SPATS1: variants seen among roughly 807,000 people sequenced by gnomAD.
SPATS1 encodes the protein spermatogenesis associated serine rich 1.
SPATS1 carries 23 observed loss-of-function variants against 33.6 expected under a neutral mutation model. That is an observed-to-expected ratio of 0.68 (90% CI 0.49 to 0.97). The LOEUF is 0.97. Among genes scored for constraint, SPATS1 ranks in the 50% least tolerant of loss-of-function variants. The pLI is 0.00. For synonymous variants in SPATS1, 131 were observed against 125.6 expected (o/e 1.04, Z -0.29); for missense variants, 327 against 361.0 (o/e 0.91, Z 0.76).
In SPATS1 at chr6:44,343,109, T is replaced by A. The variant is rs1314545523; in HGVS notation, c.14T>A (p.Met5Lys). 1 of 1,614,018 alleles carries A rather than the reference T, an allele frequency of 6.2e-7. No homozygotes were observed. Among genetic ancestry groups the A allele is most frequent in the African/African-American group, 1.3e-5 (1 of 74,928 alleles). The change falls in exon 2 of 9, where the codon ATG becomes AAG. Residue 5 changes from methionine (M) to lysine (K), a missense_variant. Transcript: ENST00000674044. ...TCATGGGCACAGATGAGTCCATCCA[T>A]GCTCACTGGAAACAGTCCACGGGGC... The part of the protein sequence containing the change: MSPS[M>K]LTGNSPRGCR...
At chr6:44,358,506 T>G (rs1367004821) in intron 3 of SPATS1, among the ~76,000 whole-genome samples, 2 of 152,256 alleles carry the variant, frequency 1.3e-5, no homozygotes, top group African/African-American at 2.4e-5. Context: ...TTATTTGCAT[T>G]TAATGGTTTT....
intron 2 of SPATS1, among the ~76,000 whole-genome samples, chr6:44,348,342 T>A (rs1788027540): frequency 6.6e-6 from 1 of 152,220 alleles, no homozygotes; most frequent in African/African-American, 2.4e-5. Context: ...ACCTTGTTTA[T>A]CTGCATTATC....
intron 7 of SPATS1, among the ~76,000 whole-genome samples, chr6:44,374,691 G>GT (rs1295221011): frequency 6.6e-6 from 1 of 152,180 alleles, no homozygotes; most frequent in Non-Finnish European, 1.5e-5. Flanking sequence ...TACATTTAGT[G>GT]TGAGTCTTTC....
chr6:44,363,061 T>C (rs1400702336), intron 5 of SPATS1, among the ~76,000 whole-genome samples: 1 of 152,096 alleles, frequency 6.6e-6, no homozygotes, highest in African/African-American at 2.4e-5. Context: ...GGTCTCGAAC[T>C]CCGGACCTCA....
chr6:44,376,965 G>A lies in SPATS1; in HGVS notation c.875-70G>A. 9.6e-6 allele frequency: 15 copies of A among 1,569,122 alleles called. No individual in the cohort carries two copies. The South Asian group carries it at 1.0e-4, about 10-fold the overall frequency. Reference sequence around the variant, plus strand: ...ATGTCATAGCCAAGCATTGGGGGTCGAGTGTATTGATTGAGAATTGTTAGT... The same window carrying A: ...ATGTCATAGCCAAGCATTGGGGGTCAAGTGTATTGATTGAGAATTGTTAGT... On this transcript the variant is annotated intron_variant, in intron 8 of 8. Transcript: ENST00000674044.
At chr6:44,346,801 G>T (rs957477408) in intron 2 of SPATS1, among the ~76,000 whole-genome samples, 1 of 151,926 alleles carries the variant, frequency 6.6e-6, no homozygotes, top group East Asian at 1.9e-4. Context: ...TTCAACCATT[G>T]TGGAAGACAG....
intron 7 of SPATS1, among the ~76,000 whole-genome samples, chr6:44,371,250 G>A (rs187771690): frequency 3.4e-4 from 52 of 151,364 alleles, no homozygotes; most frequent in African/African-American, 1.2e-3. Context: ...AGTGAGCTAC[G>A]ATTGTGCTAT....
chr6:44,375,049 CCA>C (rs1789843720), intron 7 of SPATS1, among the ~76,000 whole-genome samples: 2 of 152,164 alleles, frequency 1.3e-5, no homozygotes, highest in South Asian at 4.1e-4. Context: ...CCAACTCATC[CCA>C]GAGTCACACT....
At chr6:44,363,218 G>A (rs1039378261) in intron 5 of SPATS1, among the ~76,000 whole-genome samples, 1 of 151,618 alleles carries the variant, frequency 6.6e-6, no homozygotes, top group South Asian at 2.1e-4. Flanking sequence ...CTGCAGTTCC[G>A]AATGCCAGCC....
At chr6:44,367,157 G>A (rs749142336) in intron 5 of SPATS1, among the ~76,000 whole-genome samples, 3 of 152,086 alleles carry the variant, frequency 2.0e-5, no homozygotes, top group Middle Eastern at 3.2e-3. Context: ...GCATGATCTC[G>A]GCTTACTGCA....
At chr6:44,370,292 A>G (rs1299197681) in intron 7 of SPATS1, among the ~76,000 whole-genome samples, 179 bp downstream of exon 7, 2 of 152,188 alleles carry the variant, frequency 1.3e-5, no homozygotes, top group African/African-American at 4.8e-5. Context: ...AGAGTCTGCA[A>G]TTGGGATGGT....
intron 2 of SPATS1, among the ~76,000 whole-genome samples, chr6:44,346,157 G>C (rs773495166): frequency 8.6e-5 from 13 of 151,758 alleles, no homozygotes; most frequent in Non-Finnish European, 1.8e-4. Context: ...TGGACATGCT[G>C]GTGTGTGCCC....
At chr6:44,372,521 G>C in intron 7 of SPATS1, among the ~76,000 whole-genome samples, 1 of 151,794 alleles carries the variant, frequency 6.6e-6, no homozygotes, top group Non-Finnish European at 1.5e-5. Flanking sequence ...GGAGTGCAGT[G>C]GCGCAATCTG....
In SPATS1 at chr6:44,362,902, G is replaced by A. The variant is rs542920732; in HGVS notation, c.574+910G>A. ...TGCCCAGGCTGGAGTGCAATGGCGC[G>A]ATCTTGGCTCACAGCAACCTCCGCC... On this transcript the variant is annotated intron_variant, in intron 5 of 8. Coordinates refer to ENST00000674044, the MANE Select transcript of SPATS1 (RefSeq NM_001372081.1). Among the ~76,000 whole-genome samples the A allele has an allele frequency of 1.4e-4, 21 of 150,232 alleles. No homozygotes were observed. In the South Asian group the frequency reaches 3.8e-3, roughly 27 times the overall value.
At chr6:44,371,617 T>G (rs1352135447) in intron 7 of SPATS1, among the ~76,000 whole-genome samples, 1 of 152,232 alleles carries the variant, frequency 6.6e-6, no homozygotes, top group Admixed American at 6.5e-5. Context: ...CATGTTTTCC[T>G]TAAATACTTG....
chr6:44,361,718 A>T, intron 4 of SPATS1, 113 bp from the exon 5 acceptor site: 2 of 1,403,122 alleles, frequency 1.4e-6, no homozygotes, highest in Non-Finnish European at 9.9e-7. Flanking sequence ...TATACACATT[A>T]ATTAAAGTTA....
intron 5 of SPATS1, among the ~76,000 whole-genome samples, chr6:44,366,622 T>A (rs2153368883): frequency 6.6e-6 from 1 of 152,346 alleles, no homozygotes; most frequent in East Asian, 1.9e-4. Context: ...CTATAGTATA[T>A]GGCATTTACT....
intron 2 of SPATS1, among the ~76,000 whole-genome samples, chr6:44,345,600 T>C (rs1787828547): frequency 1.3e-5 from 2 of 152,204 alleles, no homozygotes; most frequent in African/African-American, 4.8e-5. Flanking sequence ...GTTTACATGC[T>C]ATGAAAGGCA....
Position 44,359,787 on chromosome 6 carries a change from C to T in SPATS1, c.288-659C>T, listed in dbSNP as rs376828156. ...GTGTCTCCATGTTGCCCAGGCTGGT[C>T]TTGAACTCCTGAGCTCAAGTGATCC... On this transcript the variant is annotated intron_variant, in intron 3 of 8. Coordinates refer to ENST00000674044, the MANE Select transcript of SPATS1 (RefSeq NM_001372081.1). Among the ~76,000 whole-genome samples, 5 of 152,250 alleles carry T rather than the reference C, an allele frequency of 3.3e-5. No individual in the cohort carries two copies. In the East Asian group the frequency reaches 9.7e-4, roughly 29 times the overall value.
Sources: gnomAD v4.1 joint callset for allele counts (sites outside exome capture counted in the v4.1 genomes callset) on GRCh38, gnomAD v4.1.1 for gene constraint, MANE v1.5 for transcripts, NCBI Gene and HGNC (gene_info 2026-07-23, HGNC 2026-07-21) for gene names.